PDE6C: variants seen among roughly 807,000 people sequenced by gnomAD.
PDE6C encodes cone cGMP-specific 3',5'-cyclic phosphodiesterase subunit alpha'.
PDE6C carries 75 observed loss-of-function variants against 113.1 expected under a neutral mutation model. The observed-to-expected ratio is 0.66, with a 90% CI of 0.55 to 0.80. The LOEUF (loss-of-function observed/expected upper bound fraction) is 0.80, where lower values mean the gene tolerates loss of function less well. Among genes scored for constraint, PDE6C ranks in the 30% least tolerant of loss-of-function variants. The probability of loss-of-function intolerance (pLI) is 0.00; values close to 1 mark genes in which losing one functional copy is unlikely to be tolerated. For missense variants in PDE6C, 912 were observed against 1,038.6 expected (o/e 0.88, Z 1.67); for synonymous variants, 375 against 363.7 (o/e 1.03, Z -0.35).
intron 15 of PDE6C, among the ~76,000 whole-genome samples, chr10:93,648,819 C>A (rs2058596113): frequency 6.6e-6 from 1 of 152,128 alleles, no homozygotes; most frequent in East Asian, 1.9e-4. Flanking sequence ...ATAACAAAAT[C>A]TTGTTATTAT....
chr10:93,622,645 TTTTTGTTTTTTTTTTTGTTG>T (rs924683716), intron 4 of PDE6C, among the ~76,000 whole-genome samples: 3 of 12,880 alleles, frequency 2.3e-4, no homozygotes, highest in South Asian at 0.017. Context: ...ACAGGTTTTT[TTTTTGTTTTTTTTTTTGTTG>T]TTTTTTTTTT....
intron 4 of PDE6C, among the ~76,000 whole-genome samples, chr10:93,625,092 C>T (rs2058467310): frequency 6.6e-6 from 1 of 152,172 alleles, no homozygotes; most frequent in Non-Finnish European, 1.5e-5. Context: ...ATGTAGACCA[C>T]TCATGGGCTG....
chr10:93,651,625 G>A (rs1376701892), intron 15 of PDE6C, among the ~76,000 whole-genome samples: 1 of 152,124 alleles, frequency 6.6e-6, no homozygotes, highest in Non-Finnish European at 1.5e-5. Context: ...TTTGGGTGGG[G>A]ACACAGAGCC....
At chr10:93,622,111 G>A (rs756229201) in intron 4 of PDE6C, 39 bp downstream of exon 4, 15 of 1,591,824 alleles carry the variant, frequency 9.4e-6, no homozygotes, top group African/African-American at 4.0e-5. Flanking sequence ...ATCTCACATC[G>A]CCTATATAAC....
At chr10:93,633,870 G>C (rs1036832342) in intron 8 of PDE6C, among the ~76,000 whole-genome samples, 1 of 152,162 alleles carries the variant, frequency 6.6e-6, no homozygotes, top group Non-Finnish European at 1.5e-5. Flanking sequence ...ACTCAGGCTT[G>C]GGAAAGAAAG....
intron 8 of PDE6C, among the ~76,000 whole-genome samples, chr10:93,631,346 C>T (rs1034480985): frequency 9.9e-5 from 15 of 152,236 alleles, no homozygotes; most frequent in African/African-American, 3.6e-4. Flanking sequence ...AGGCCACACG[C>T]TCCACAGGCC....
chr10:93,636,706 A>G (rs765353585), intron 10 of PDE6C, among the ~76,000 whole-genome samples: 7 of 152,114 alleles, frequency 4.6e-5, no homozygotes, highest in Non-Finnish European at 1.0e-4. Flanking sequence ...CAGGTGCTAT[A>G]GGTCTTTGTA....
chr10:93,627,539 G>A (rs1055390187), intron 7 of PDE6C, among the ~76,000 whole-genome samples: 2 of 152,242 alleles, frequency 1.3e-5, no homozygotes, highest in South Asian at 2.1e-4. Context: ...AAATATGGGG[G>A]ATGGGGTGGG....
chr10:93,631,233 A>G (rs1021119608), intron 8 of PDE6C, among the ~76,000 whole-genome samples: 3 of 152,196 alleles, frequency 2.0e-5, no homozygotes, highest in African/African-American at 7.2e-5. Flanking sequence ...TCTGGGAAAC[A>G]TCATTGTGGT....
chr10:93,635,849 C>T (rs1389457309), intron 10 of PDE6C, among the ~76,000 whole-genome samples: 1 of 152,110 alleles, frequency 6.6e-6, no homozygotes, highest in Non-Finnish European at 1.5e-5. Flanking sequence ...TGGAATAGCA[C>T]TTTGTTCAAA....
At position 93,654,349 on chromosome 10, in the gene PDE6C, G is replaced by A. The variant is rs142755335; in HGVS notation, c.1936-1411G>A. Among the ~76,000 whole-genome samples the A allele has an allele frequency of 4.2e-3, 638 of 152,324 alleles. 3 individuals carry two copies. Among genetic ancestry groups the A allele is most frequent in the Middle Eastern group, 0.014 (4 of 294 alleles). ...GTGTGGTGCAGAGATTAGGAGCACA[G>A]ACTCTGGAACCATGCTGCACTGGCT... is the stretch of plus-strand genomic sequence containing the variant. On this transcript the variant is annotated intron_variant, in intron 15 of 21. Transcript: ENST00000371447.
At chr10:93,664,079 T>C (rs1488069256) in intron 21 of PDE6C, among the ~76,000 whole-genome samples, 2 of 152,224 alleles carry the variant, frequency 1.3e-5, no homozygotes, top group East Asian at 3.8e-4. Flanking sequence ...GACTCCTTGA[T>C]ATCCATTCAC....
chr10:93,622,893 G>C (rs183562475), intron 4 of PDE6C, among the ~76,000 whole-genome samples: 4 of 152,162 alleles, frequency 2.6e-5, no homozygotes, highest in South Asian at 4.1e-4. Flanking sequence ...TATCTTGGTT[G>C]CTTCTAATAT....
chr10:93,633,326 C>T (rs1228412262), intron 8 of PDE6C, among the ~76,000 whole-genome samples: 1 of 151,792 alleles, frequency 6.6e-6, no homozygotes, highest in African/African-American at 2.4e-5. Flanking sequence ...ATTAGCCAGG[C>T]TTGGTGGGGC....
intron 15 of PDE6C, among the ~76,000 whole-genome samples, chr10:93,649,828 C>G (rs1333769551): frequency 6.6e-6 from 1 of 152,114 alleles, no homozygotes; most frequent in Non-Finnish European, 1.5e-5. Flanking sequence ...TGGTCTCGAA[C>G]CCCCAACCTC....
At chr10:93,659,723 C>T (rs2058657320) in intron 18 of PDE6C, among the ~76,000 whole-genome samples, 2 of 152,196 alleles carry the variant, frequency 1.3e-5, no homozygotes, top group African/African-American at 4.8e-5. Flanking sequence ...CAATTACCTC[C>T]CACTGGGTCA....
At chr10:93,638,788 A>G (rs1389550378) in intron 11 of PDE6C, among the ~76,000 whole-genome samples, 1 of 152,076 alleles carries the variant, frequency 6.6e-6, no homozygotes, top group Admixed American at 6.5e-5. Flanking sequence ...CTGCACTTTC[A>G]TGTTACCTCC....
intron 18 of PDE6C, among the ~76,000 whole-genome samples, chr10:93,660,635 G>C (rs2058661854): frequency 6.6e-6 from 1 of 152,058 alleles, no homozygotes; most frequent in African/African-American, 2.4e-5. Flanking sequence ...TTTGGGGGCA[G>C]GGTGTCCTGA....
Position 93,612,778 on chromosome 10 carries a change from A to G in PDE6C, c.53A>G (p.Gln18Arg), listed in dbSNP as rs1196791389. 1 of 1,614,184 alleles carries G rather than the reference A, an allele frequency of 6.2e-7. No homozygotes were observed. Among genetic ancestry groups the G allele is most frequent in the Non-Finnish European group, 8.5e-7 (1 of 1,180,030 alleles). ...GAGAAATACCTGGAGGAGAACCCTC[A>G]GTTTGCCAAGGAGTACTTTGACAGG... Reference protein sequence around the residue: ...AVEKYLEENPQFAKEYFDRKL... With the variant: ...AVEKYLEENPRFAKEYFDRKL... Residue 18 changes from glutamine to arginine, a missense_variant, in exon 1 of 22, where the codon CAG becomes CGG. Physicochemically the swap from Gln to Arg is conservative, Grantham distance 43 (BLOSUM62 1). Coordinates refer to ENST00000371447, the MANE Select transcript of PDE6C (RefSeq NM_006204.4).
Sources: gnomAD v4.1 joint callset for allele counts (sites outside exome capture counted in the v4.1 genomes callset) on GRCh38, gnomAD v4.1.1 for gene constraint, MANE v1.5 for transcripts, NCBI Gene and HGNC (gene_info 2026-07-23, HGNC 2026-07-21) for gene names.